Variants in EBF1 observed in about 807,000 individuals in gnomAD.
The protein encoded by EBF1 is EBF transcription factor 1.
Under a neutral mutation model 68.4 loss-of-function variants are expected in EBF1, and 10 were observed. The ratio of observed to expected loss-of-function variants is 0.15; its 90% CI spans 0.09 to 0.25. The LOEUF is 0.25. Ranked by LOEUF, EBF1 falls within the 10% of genes least tolerant of loss-of-function variation. The probability of loss-of-function intolerance (pLI) is 1.00; values close to 1 mark genes in which losing one functional copy is unlikely to be tolerated. For synonymous variants in EBF1, 298 were observed against 299.8 expected (o/e 0.99, Z 0.06); for missense variants, 509 against 794.4 (o/e 0.64, Z 4.32).
At chr5:158,718,497 C>A (rs1761235949) in intron 11 of EBF1, among the ~76,000 whole-genome samples, 1 of 152,138 alleles carries the variant, frequency 6.6e-6, no homozygotes, top group Non-Finnish European at 1.5e-5. Flanking sequence ...TGAAGGGGAT[C>A]GTGATGGTAT....
chr5:159,038,933 T>C (rs1770643129), intron 6 of EBF1, among the ~76,000 whole-genome samples: 1 of 152,154 alleles, frequency 6.6e-6, no homozygotes, highest in South Asian at 2.1e-4. Flanking sequence ...GGCGATTTCC[T>C]TCCAGGATAA....
intron 6 of EBF1, among the ~76,000 whole-genome samples, chr5:158,880,858 C>T (rs753795295): frequency 8.5e-5 from 13 of 152,154 alleles, no homozygotes; most frequent in African/African-American, 2.9e-4. Context: ...TTCACAAGCA[C>T]GGACATCCCC....
At chr5:158,920,753 T>C (rs553015584) in intron 6 of EBF1, among the ~76,000 whole-genome samples, 1 of 152,262 alleles carries the variant, frequency 6.6e-6, no homozygotes, top group Non-Finnish European at 1.5e-5. Flanking sequence ...TCCATTTTTT[T>C]TTAACAGGAA....
At chr5:159,073,538 C>A in intron 5 of EBF1, 74 bp from the exon 6 acceptor site, 1 of 1,537,694 alleles carries the variant, frequency 6.5e-7, no homozygotes. Context: ...ACAGAAGGCT[C>A]AAATTGCTGG....
intron 6 of EBF1, among the ~76,000 whole-genome samples, chr5:158,990,970 C>A (rs909975557): frequency 2.0e-5 from 3 of 152,096 alleles, no homozygotes; most frequent in Admixed American, 2.0e-4. Flanking sequence ...CTAATGGATC[C>A]CAACACTGAG....
chr5:158,768,307 T>C (rs1046060612), intron 10 of EBF1, among the ~76,000 whole-genome samples: 5 of 152,140 alleles, frequency 3.3e-5, no homozygotes, highest in Non-Finnish European at 5.9e-5. Flanking sequence ...ATAAGATGAT[T>C]ATCAATGACT....
At chr5:158,895,399 A>G (rs1801974823) in intron 6 of EBF1, among the ~76,000 whole-genome samples, 1 of 152,240 alleles carries the variant, frequency 6.6e-6, no homozygotes, top group South Asian at 2.1e-4. Context: ...TGGCTATTCT[A>G]TAATAAAAAT....
At chr5:159,045,941 T>A (rs962420428) in intron 6 of EBF1, among the ~76,000 whole-genome samples, 2 of 152,162 alleles carry the variant, frequency 1.3e-5, no homozygotes, top group Admixed American at 1.3e-4. Context: ...CAGCTCCCCA[T>A]AGCCTATCTG....
chr5:159,004,538 G>T (rs1763184062), intron 6 of EBF1, among the ~76,000 whole-genome samples: 1 of 22,730 alleles, frequency 4.4e-5, no homozygotes, highest in Admixed American at 3.4e-4. Flanking sequence ...GAGGTAGTAG[G>T]TAGGTAGGTA....
At chr5:158,824,903 A>G (rs1373158832) in intron 7 of EBF1, among the ~76,000 whole-genome samples, 1 of 152,248 alleles carries the variant, frequency 6.6e-6, no homozygotes, top group Non-Finnish European at 1.5e-5. Flanking sequence ...ATTGCAGGCT[A>G]TGAACACATC....
intron 6 of EBF1, among the ~76,000 whole-genome samples, chr5:158,964,351 A>G (rs1753678874): frequency 6.6e-6 from 1 of 152,172 alleles, no homozygotes. Flanking sequence ...AAAGCAGAAG[A>G]GTGATGTCAG....
At chr5:158,815,400 A>T (rs1054738554) in intron 8 of EBF1, among the ~76,000 whole-genome samples, 4 of 152,162 alleles carry the variant, frequency 2.6e-5, no homozygotes, top group Admixed American at 6.5e-5. Flanking sequence ...TCATCTGTAA[A>T]ATGGTGATAA....
At chr5:158,702,201 A>G (rs1756905374) in intron 15 of EBF1, among the ~76,000 whole-genome samples, 1 of 152,172 alleles carries the variant, frequency 6.6e-6, no homozygotes, top group South Asian at 2.1e-4. Context: ...ACTCCACTGC[A>G]AAACTGCCTG....
At chr5:158,890,273 G>T (rs1024400574) in intron 6 of EBF1, among the ~76,000 whole-genome samples, 1 of 152,168 alleles carries the variant, frequency 6.6e-6, no homozygotes, top group African/African-American at 2.4e-5. Context: ...CCTGCTGTCT[G>T]GCCACTAGGC....
At chr5:158,921,133 T>G (rs1485013241) in intron 6 of EBF1, among the ~76,000 whole-genome samples, 1 of 152,210 alleles carries the variant, frequency 6.6e-6, no homozygotes, top group African/African-American at 2.4e-5. Context: ...TGGTAACTAA[T>G]GATGGTTCTG....
intron 6 of EBF1, among the ~76,000 whole-genome samples, chr5:158,962,834 G>A (rs181933084): frequency 7.8e-4 from 118 of 152,216 alleles, no homozygotes; most frequent in African/African-American, 2.5e-3. Context: ...TTATCAGATC[G>A]TGGGTAAGTT....
At chr5:158,775,002 CT>C (rs1194673380) in intron 10 of EBF1, among the ~76,000 whole-genome samples, 10 of 147,508 alleles carry the variant, frequency 6.8e-5, no homozygotes, top group African/African-American at 2.3e-4. Flanking sequence ...AAAAAAAAGG[CT>C]TCTTGTCTGG....
chr5:159,075,495 G>A (rs1778603087), intron 5 of EBF1, among the ~76,000 whole-genome samples: 1 of 152,168 alleles, frequency 6.6e-6, no homozygotes, highest in Non-Finnish European at 1.5e-5. Context: ...CTGCCTGGGA[G>A]AAATGTCCTC....
At chr5:158,862,852 G>T (rs191775961) in intron 6 of EBF1, among the ~76,000 whole-genome samples, 6 of 152,292 alleles carry the variant, frequency 3.9e-5, no homozygotes, top group Admixed American at 2.6e-4. Context: ...CCTGGAAATT[G>T]TTCAACAAGA....
Sources: allele counts gnomAD v4.1 joint callset (sites outside exome capture counted in the v4.1 genomes callset), GRCh38; gene constraint gnomAD v4.1.1; transcripts MANE v1.5; gene names NCBI Gene and HGNC (gene_info 2026-07-23, HGNC 2026-07-21).